The following ILDR1 variants were observed in gnomAD, a reference collection of about 807,000 sequenced individuals.
ILDR1 encodes the protein immunoglobulin like domain containing receptor 1.
A neutral mutation model predicts 62.4 loss-of-function variants in ILDR1; 56 were observed. The observed-to-expected ratio is 0.90, with a 90% CI of 0.72 to 1.12. The LOEUF (loss-of-function observed/expected upper bound fraction) is 1.12, where lower values mean the gene tolerates loss of function less well. Among genes scored for constraint, ILDR1 ranks in the 50% most tolerant of loss-of-function variants. The pLI, the probability that ILDR1 is intolerant of heterozygous loss-of-function variation, is 0.00. For missense variants in ILDR1, 736 were observed against 710.6 expected (o/e 1.04, Z -0.41); for synonymous variants, 284 against 277.8 (o/e 1.02, Z -0.22).
chr3:122,001,148 C>T (rs1384161679), intron 5 of ILDR1, among the ~76,000 whole-genome samples, 160 bp downstream of exon 5: 5 of 152,174 alleles, frequency 3.3e-5, no homozygotes, highest in Non-Finnish European at 7.3e-5. Context: ...CCTCCCCAGG[C>T]ATCATTTTCA....
chr3:122,010,899 C>T (rs2071693567), intron 1 of ILDR1, among the ~76,000 whole-genome samples: 1 of 152,206 alleles, frequency 6.6e-6, no homozygotes, highest in South Asian at 2.1e-4. Flanking sequence ...ATTAGCTGTG[C>T]TCACTTCCTG....
At chr3:122,028,488 C>A in the ILDR1 span, among the ~76,000 whole-genome samples, 1 of 151,972 alleles carries the variant, frequency 6.6e-6, no homozygotes, top group South Asian at 2.1e-4. Context: ...AACCAAAAGA[C>A]TACATAAAAT....
At chr3:122,045,829 G>A in the ILDR1 span, among the ~76,000 whole-genome samples, 1 of 150,206 alleles carries the variant, frequency 6.7e-6, no homozygotes, top group African/African-American at 2.4e-5. Flanking sequence ...CGTGAGATGG[G>A]TTTCCTGAAT....
At position 122,022,042 on chromosome 3, in the gene ILDR1, C is replaced by T. The variant is rs1035068671; in HGVS notation, c.36G>A (p.Leu12=). 2 of 1,611,718 alleles carry T rather than the reference C, an allele frequency of 1.2e-6. No homozygotes were observed. The highest frequency in any genetic ancestry group is 2.7e-5 in the African/African-American group (2 of 75,036). Residue 12 remains leucine (L), a synonymous_variant, in exon 1 of 8, where the codon CTG becomes CTA. Transcript: ENST00000344209. The part of the protein sequence containing the change: ...AWPKLPAPWL[L]LCTWLPAGCL... ...CACCTGCTGGGAGCCAGGTGCAGAG[C>T]AGCAGCCAAGGTGCGGGCAGTTTGG...
chr3:122,037,530 G>C, the ILDR1 span, among the ~76,000 whole-genome samples: 1 of 152,164 alleles, frequency 6.6e-6, no homozygotes, highest in Non-Finnish European at 1.5e-5. Flanking sequence ...TTTGGAATGG[G>C]AGCATTTACC....
At chr3:122,030,163 G>A in the ILDR1 span, among the ~76,000 whole-genome samples, 2 of 152,198 alleles carry the variant, frequency 1.3e-5, no homozygotes, top group Admixed American at 6.5e-5. Flanking sequence ...GCCATGCACA[G>A]CCTAAGAATC....
At chr3:122,030,056 G>T in the ILDR1 span, among the ~76,000 whole-genome samples, 3 of 152,158 alleles carry the variant, frequency 2.0e-5, no homozygotes, top group African/African-American at 7.2e-5. Context: ...CTCTCTCAGA[G>T]AAAAGTCTTG....
At chr3:122,016,476 G>C (rs914111251) in intron 1 of ILDR1, among the ~76,000 whole-genome samples, 2 of 152,150 alleles carry the variant, frequency 1.3e-5, no homozygotes, top group African/African-American at 2.4e-5. Flanking sequence ...AAATTGCTTG[G>C]AACAAATTTT....
the ILDR1 span, among the ~76,000 whole-genome samples, chr3:122,048,302 T>C: frequency 6.6e-6 from 1 of 152,248 alleles, no homozygotes; most frequent in African/African-American, 2.4e-5. Context: ...TCATAGAGTA[T>C]AATCCTTTTA....
intron 7 of ILDR1, among the ~76,000 whole-genome samples, chr3:121,992,943 C>T (rs529403464): frequency 1.3e-5 from 2 of 152,328 alleles, no homozygotes; most frequent in East Asian, 1.9e-4. Flanking sequence ...TCACAGGCAG[C>T]GAACTCTCCC....
the ILDR1 span, chr3:122,055,311 A>G: frequency 5.7e-5 from 34 of 600,636 alleles, no homozygotes; most frequent in Non-Finnish European, 9.6e-5. Context: ...CAAAATCTGT[A>G]GAGAAAAGAG....
the ILDR1 span, among the ~76,000 whole-genome samples, chr3:122,049,641 C>T: frequency 6.6e-6 from 1 of 152,140 alleles, no homozygotes; most frequent in East Asian, 1.9e-4. Context: ...TTCTTTGTTT[C>T]TTTTGACAAT....
At chr3:121,999,396 C>T (rs774313523) in intron 5 of ILDR1, among the ~76,000 whole-genome samples, 14 of 152,178 alleles carry the variant, frequency 9.2e-5, no homozygotes, top group Non-Finnish European at 1.8e-4. Context: ...GCAGTTGGTG[C>T]TATTCCATCT....
chr3:122,022,818 C>T (rs2071881652), upstream of ILDR1, among the ~76,000 whole-genome samples: 1 of 152,016 alleles, frequency 6.6e-6, no homozygotes, highest in African/African-American at 2.4e-5. Context: ...GACGCTGAGG[C>T]CCGAGAGTTA....
chr3:122,051,042 T>C, the ILDR1 span, among the ~76,000 whole-genome samples: 2 of 152,208 alleles, frequency 1.3e-5, no homozygotes. Flanking sequence ...ATGAACTGCT[T>C]TTCTCTTGTT....
At chr3:122,020,511 G>A (rs746043168) in intron 1 of ILDR1, among the ~76,000 whole-genome samples, 7 of 152,190 alleles carry the variant, frequency 4.6e-5, no homozygotes, top group Admixed American at 2.0e-4. Context: ...TAAAGTGAAC[G>A]TGAGTTTAGA....
In ILDR1 at chr3:122,001,845, A is replaced by G; in HGVS notation, c.399T>C (p.Asn133=). ...TIQNRADLVI[N]EVMWWDHGVY... is the part of the protein sequence containing the mutation. ...CTCCATGGTCCCACCACATCACTTC[A>G]TTTATCACGAGATCTGCTCCTACAC... The change falls in exon 4 of 8, where the codon AAT becomes AAC. Residue 133 remains asparagine, a synonymous_variant. Coordinates refer to ENST00000344209, the MANE Select transcript of ILDR1 (RefSeq NM_001199799.2). The G allele has an allele frequency of 6.2e-7, 1 of 1,613,474 alleles. No individual in the cohort carries two copies. The highest frequency in any genetic ancestry group is 1.3e-5 in the African/African-American group (1 of 74,956).
intron 7 of ILDR1, 35 bp downstream of exon 7, chr3:121,993,115 C>G (rs773031345): frequency 2.0e-6 from 3 of 1,506,232 alleles, no homozygotes; most frequent in Non-Finnish European, 2.7e-6. Context: ...CCTCTCTGCC[C>G]ATGCCCAACC....
chr3:122,011,630 G>A lies in ILDR1; in HGVS notation c.59-4469C>T, dbSNP rs144376567. Among the ~76,000 whole-genome samples the A allele has an allele frequency of 2.5e-3, 317 of 125,668 alleles. 2 individuals carry two copies. The highest frequency in any genetic ancestry group is 8.8e-3 in the African/African-American group (300 of 33,950). 82.4% of individuals were successfully genotyped at this position (125,668 alleles called of 152,430 possible). A position where few individuals can be genotyped will look rare whatever the true frequency, so the allele number is the denominator to read the frequency against. ...ACAGCATCCTGTGCAGACCTCAAAC[G>A]TCCACCCCCTGCCCTGTCTCTCTTT... is the stretch of plus-strand genomic sequence containing the variant. On this transcript the variant is annotated intron_variant, in intron 1 of 7. Transcript: ENST00000344209.
Sources: gnomAD v4.1 joint callset for allele counts (sites outside exome capture counted in the v4.1 genomes callset) on GRCh38, gnomAD v4.1.1 for gene constraint, MANE v1.5 for transcripts, NCBI Gene and HGNC (gene_info 2026-07-23, HGNC 2026-07-21) for gene names.